The following BICDL1 variants were observed in gnomAD, a reference collection of about 807,000 sequenced individuals.
BICDL1 encodes BICD family-like cargo adapter 1.
In BICDL1, 20 loss-of-function variants were observed where a neutral mutation model predicts 76.8. That is an observed-to-expected ratio of 0.26 (90% CI 0.18 to 0.38). The LOEUF is 0.38. BICDL1 is among the 10% of genes least tolerant of loss of function. BICDL1 has a pLI of 1.00. For missense variants in BICDL1, 700 were observed against 798.6 expected, an observed-to-expected ratio of 0.88 and a Z score of 1.49; for synonymous variants, 383 against 337.1, an observed-to-expected ratio of 1.14 and a Z score of -1.49.
chr12:120,023,744 C>T (rs1489636046), intron 2 of BICDL1, among the ~76,000 whole-genome samples: 1 of 150,494 alleles, frequency 6.6e-6, no homozygotes, highest in Admixed American at 6.6e-5. Flanking sequence ...GAGCTGAGAT[C>T]GTACCACTGC....
At chr12:120,066,449 G>T (rs79765895) in intron 4 of BICDL1, among the ~76,000 whole-genome samples, 20,173 of 152,162 alleles carry the variant, frequency 0.13, 1,669 homozygotes, top group East Asian at 0.4. Flanking sequence ...TCAAGAACTG[G>T]GGACCTGGGT....
At chr12:120,046,274 G>C (rs1480213206) in intron 2 of BICDL1, among the ~76,000 whole-genome samples, 1 of 152,128 alleles carries the variant, frequency 6.6e-6, no homozygotes, top group Non-Finnish European at 1.5e-5. Context: ...TCTGTCTTCA[G>C]GCTCTTTAAG....
chr12:120,071,958 G>A lies in BICDL1; in HGVS notation c.1089+157G>A, dbSNP rs1873140956. Among the ~76,000 whole-genome samples, 1 of 152,252 alleles carries A rather than the reference G, an allele frequency of 6.6e-6. No individual in the cohort carries two copies. The highest frequency in any genetic ancestry group is 2.4e-5 in the African/African-American group (1 of 41,470). On this transcript the variant is annotated intron_variant, in intron 5 of 9. Transcript: ENST00000548673. This position sits in a 1 kb window ranked among gnomAD's most constrained non-coding sequence, Gnocchi z 4.8. ...GCTAGAGTGTCATGAAGCAGGCCCTGATGGAGCATGTCCCTGGCCCTCCAT... is the reference window on the plus strand; with the variant it reads ...GCTAGAGTGTCATGAAGCAGGCCCTAATGGAGCATGTCCCTGGCCCTCCAT...
chr12:120,072,138 G>A (rs1873155295), intron 5 of BICDL1, among the ~76,000 whole-genome samples: 1 of 152,232 alleles, frequency 6.6e-6, no homozygotes, highest in Non-Finnish European at 1.5e-5. Context: ...GAGTTCCAGA[G>A]CAGTCATGAT....
chr12:120,008,150 C>CTTTTTTTTTTTTTTTT (rs71072590), intron 2 of BICDL1, among the ~76,000 whole-genome samples: 1 of 61,716 alleles, frequency 1.6e-5, no homozygotes, highest in African/African-American at 7.0e-5. Flanking sequence ...ATTACTCTTT[C>CTTTTTTTTTTTTTTTT]TTTTTTTTTT....
intron 7 of BICDL1, chr12:120,080,636 A>C: frequency 2.8e-6 from 1 of 359,806 alleles, no homozygotes. Flanking sequence ...GATCTGGCCT[A>C]CGGCTGCAGG....
At chr12:120,044,519 C>T (rs1047243089) in intron 2 of BICDL1, among the ~76,000 whole-genome samples, 11 of 152,202 alleles carry the variant, frequency 7.2e-5, no homozygotes, top group African/African-American at 2.7e-4. Flanking sequence ...AACTGCCCGT[C>T]TTCCCCTAGC....
At chr12:120,092,033 T>A in intron 9 of BICDL1, 1 of 985,376 alleles carries the variant, frequency 1.0e-6, no homozygotes, top group Non-Finnish European at 1.2e-6. Context: ...CAGGTTCAAG[T>A]CATGAAGGAA....
chr12:120,019,538 A>G (rs116804277), intron 2 of BICDL1, among the ~76,000 whole-genome samples: 37 of 152,330 alleles, frequency 2.4e-4, no homozygotes, highest in African/African-American at 4.1e-4. Context: ...TGCTGATTTC[A>G]TAGGTAAATA....
chr12:120,023,826 T>G (rs1313789469), intron 2 of BICDL1, among the ~76,000 whole-genome samples: 2 of 150,040 alleles, frequency 1.3e-5, no homozygotes, highest in African/African-American at 2.4e-5. Flanking sequence ...TTCCCAGGTA[T>G]GCAAAGAGGC....
At chr12:120,088,698 G>T (rs1874653034) in intron 8 of BICDL1, among the ~76,000 whole-genome samples, 2 of 147,952 alleles carry the variant, frequency 1.4e-5, no homozygotes, top group Middle Eastern at 7.8e-3. Flanking sequence ...ACGGAGTCTT[G>T]TTCTGTCACC....
At chr12:119,990,356 C>G in intron 1 of BICDL1, 59 bp downstream of exon 1, 1 of 1,532,126 alleles carries the variant, frequency 6.5e-7, no homozygotes, top group South Asian at 1.2e-5. Flanking sequence ...ACGCGCCCGG[C>G]CCTGGGCAGT....
At chr12:120,002,043 T>A (rs533774834) in intron 2 of BICDL1, among the ~76,000 whole-genome samples, 24 of 152,092 alleles carry the variant, frequency 1.6e-4, no homozygotes, top group East Asian at 1.5e-3. Context: ...TAAAAAAAAA[T>A]TTTTTTAAGT....
At chr12:119,998,281 A>T (rs1951692385) in intron 1 of BICDL1, among the ~76,000 whole-genome samples, 2 of 152,348 alleles carry the variant, frequency 1.3e-5, no homozygotes, top group East Asian at 3.9e-4. Flanking sequence ...GGATAAGAAT[A>T]AACATAATAA....
At chr12:120,037,245 G>A (rs1211844515) in intron 2 of BICDL1, among the ~76,000 whole-genome samples, 1 of 152,080 alleles carries the variant, frequency 6.6e-6, no homozygotes, top group African/African-American at 2.4e-5. Context: ...CTCTTCTCTG[G>A]TATGTTAGTT....
intron 2 of BICDL1, among the ~76,000 whole-genome samples, chr12:120,033,840 A>G (rs955320446): frequency 3.9e-5 from 6 of 152,178 alleles, no homozygotes; most frequent in Non-Finnish European, 7.3e-5. Context: ...GAAGATGTGC[A>G]CTTCTGATGT....
Position 120,093,290 on chromosome 12 carries a change from C to A in BICDL1, c.*129C>A. 2.7e-6 allele frequency: 3 copies of A among 1,091,176 alleles called. No individual in the cohort carries two copies. The highest frequency in any genetic ancestry group is 2.6e-6 in the Non-Finnish European group (2 of 760,970). 67.6% of individuals were successfully genotyped at this position (1,091,176 alleles called of 1,614,324 possible). On this transcript the variant is annotated 3_prime_UTR_variant, in exon 10 of 10. Coordinates refer to ENST00000548673, the MANE Select transcript of BICDL1 (RefSeq NM_001367886.1). ...CCCTCATGCTAGGGCCCCATGGGTC[C>A]GGGAGGGCCTGCTCCCTTTCGTCGG...
intron 2 of BICDL1, among the ~76,000 whole-genome samples, chr12:120,040,450 A>C (rs988899186): frequency 1.3e-5 from 2 of 151,408 alleles, no homozygotes; most frequent in African/African-American, 4.9e-5. Flanking sequence ...TGTTTGAGAC[A>C]AGGTTTGGCT....
intron 8 of BICDL1, among the ~76,000 whole-genome samples, chr12:120,082,715 T>C (rs373858178): frequency 2.0e-4 from 30 of 152,158 alleles, no homozygotes; most frequent in African/African-American, 7.0e-4. Flanking sequence ...CCCAAGTAGC[T>C]GTGCCACCAT....
Sources: gnomAD v4.1 joint callset for allele counts (sites outside exome capture counted in the v4.1 genomes callset) on GRCh38, gnomAD v4.1.1 for gene constraint, Gnocchi (gnomAD v3.1) non-coding constraint, MANE v1.5 for transcripts, NCBI Gene and HGNC (gene_info 2026-07-23, HGNC 2026-07-21) for gene names.